Variants in IGSF3 observed in about 807,000 individuals in gnomAD.
IGSF3 encodes the protein glu-Trp-Ile EWI motif-containing protein 3.
IGSF3 carries 23 observed loss-of-function variants against 114.4 expected under a neutral mutation model. That is an observed-to-expected ratio of 0.20 (90% confidence interval 0.14 to 0.28). IGSF3 has a LOEUF of 0.28. Ranked by LOEUF, IGSF3 falls within the 10% of genes least tolerant of loss-of-function variation. The pLI is 1.00. For synonymous variants in IGSF3, 571 were observed against 645.2 expected (o/e 0.88, Z 1.74); for missense variants, 1,172 against 1,591.5 (o/e 0.74, Z 4.48).
rs1416663140 is a variant in IGSF3 at position 116,610,459 on chromosome 1, C to T, written c.833-2128G>A. 6.6e-6 allele frequency among the ~76,000 whole-genome samples: 1 copy of T among 152,158 alleles called. No homozygotes were observed. The highest frequency in any genetic ancestry group is 1.5e-5 in the Non-Finnish European group (1 of 68,034). On this transcript the variant is annotated intron_variant, in intron 4 of 10. Transcript: ENST00000369486. This position sits in a 1 kb window ranked among gnomAD's most constrained non-coding sequence, Gnocchi z 4.3. ...CCCCCGTTTCTGCCCTTGGTTATGC[C>T]CAGTCAATTACATCTCTAGAAACTG...
rs1384841560 is a variant in IGSF3, at chr1:116,648,776, C to A, written c.43+17508G>T. Among the ~76,000 whole-genome samples, 1 of 152,200 alleles carries A rather than the reference C, an allele frequency of 6.6e-6. No individual in the cohort carries two copies. The highest frequency in any genetic ancestry group is 2.4e-5 in the African/African-American group (1 of 41,452). On this transcript the variant is annotated intron_variant, in intron 2 of 10. Transcript: ENST00000369486. This position sits in a 1 kb window ranked among gnomAD's most constrained non-coding sequence, Gnocchi z 4.7. The stretch of plus-strand genomic sequence containing the variant: ...TTAGCCAGATAATTGAGACACTCCA[C>A]CTGGTCACCACTGGACCCCAGCCAC...
intron 5 of IGSF3, chr1:116,606,643 C>G: frequency 3.0e-6 from 2 of 677,080 alleles, no homozygotes. Context: ...AGGAAGTAAA[C>G]AGCGTGGCTG....
At chr1:116,586,016 A>G (rs1254192975) in intron 8 of IGSF3, among the ~76,000 whole-genome samples, 1 of 152,242 alleles carries the variant, frequency 6.6e-6, no homozygotes, top group Non-Finnish European at 1.5e-5. Context: ...CCCCGATGGC[A>G]TGCTTGTAAT....
chr1:116,586,062 G>A (rs896783480), intron 8 of IGSF3, among the ~76,000 whole-genome samples: 1 of 152,124 alleles, frequency 6.6e-6, no homozygotes, highest in Non-Finnish European at 1.5e-5. Context: ...CAGGACCAGA[G>A]GTATCTAGAA....
intron 4 of IGSF3, among the ~76,000 whole-genome samples, chr1:116,609,148 G>C (rs184330928): frequency 5.9e-4 from 89 of 152,002 alleles, no homozygotes; most frequent in Admixed American, 1.6e-3. Context: ...AGGTACTTTA[G>C]TAGGAAAAGT....
rs1041306787 is a variant in IGSF3 at position 116,632,507 on chromosome 1, G to A, written c.44-16050C>T. Among the ~76,000 whole-genome samples, 3 of 152,216 alleles carry A rather than the reference G, an allele frequency of 2.0e-5. No homozygotes were observed. Among genetic ancestry groups the A allele is most frequent in the Admixed American group, 1.3e-4 (2 of 15,284 alleles). ...CGCAGCATACTGAATGAGAAGCCTC[G>A]CAGGCAGAGAAGAAAGCAAACCTGG... On this transcript the variant is annotated intron_variant, in intron 2 of 10. Coordinates refer to ENST00000369486, the MANE Select transcript of IGSF3 (RefSeq NM_001007237.3). This position sits in a 1 kb window ranked among gnomAD's most constrained non-coding sequence, Gnocchi z 5.1.
rs1659716752 is a variant in IGSF3, at chr1:116,584,177, CAG to C, written c.2848+466_2848+467del. On this transcript the variant is annotated intron_variant, in intron 9 of 10. Coordinates refer to ENST00000369486, the MANE Select transcript of IGSF3 (RefSeq NM_001007237.3). The surrounding 1 kb of genome is among the most constrained non-coding windows in gnomAD (Gnocchi z 5.8). ...GCACTCTGCACTCCAGCCTGGGTGA[CAG>C]AGTGAGACTCCGTTTCAAAAAAAAA... is the stretch of plus-strand genomic sequence containing the variant. 1.4e-5 allele frequency among the ~76,000 whole-genome samples: 2 copies of C among 141,718 alleles called. No homozygotes were observed. The highest frequency in any genetic ancestry group is 3.0e-5 in the Non-Finnish European group (2 of 66,682). The allele number at this position is 141,718 out of a possible 152,430, so 93.0% of individuals were successfully genotyped here. A position where few individuals can be genotyped will look rare whatever the true frequency, so the allele number is the denominator to read the frequency against.
intron 2 of IGSF3, among the ~76,000 whole-genome samples, chr1:116,658,815 T>C (rs542294705): frequency 6.6e-6 from 1 of 152,322 alleles, no homozygotes; most frequent in African/African-American, 2.4e-5. Flanking sequence ...TCTCCCCCAG[T>C]AGACACCTAC....
intron 4 of IGSF3, among the ~76,000 whole-genome samples, chr1:116,611,973 G>C (rs768127456): frequency 2.6e-5 from 4 of 152,186 alleles, no homozygotes; most frequent in Non-Finnish European, 5.9e-5. Flanking sequence ...TAGAGTTGGA[G>C]ATGCAACTGC....
In IGSF3 at chr1:116,579,633, C is replaced by A; in HGVS notation, c.3093G>T (p.Thr1031=). The stretch of plus-strand genomic sequence containing the variant: ...CATCTGGGCCCACGCTCAGCAGGGC[C>A]GTCCGCTCTGTTGGGTCGTCGTCGT... ...DDDDDDPTER[T]ALLSVGPDAV... is the part of the protein sequence containing the mutation. Residue 1031 remains threonine (T), a synonymous_variant, in exon 10 of 11, where the codon ACG becomes ACT. Transcript: ENST00000369486. The surrounding 1 kb of genome is among the most constrained non-coding windows in gnomAD (Gnocchi z 6.4). The A allele has an allele frequency of 6.2e-7, 1 of 1,613,700 alleles. No homozygotes were observed. Among genetic ancestry groups the A allele is most frequent in the Non-Finnish European group, 8.5e-7 (1 of 1,179,872 alleles).
At position 116,663,495 on chromosome 1, in the gene IGSF3, T is replaced by C. The variant is rs538275144; in HGVS notation, c.43+2789A>G. Among the ~76,000 whole-genome samples, 267 of 148,924 alleles carry C rather than the reference T, an allele frequency of 1.8e-3. 1 individual carries two copies. Among genetic ancestry groups the C allele is most frequent in the African/African-American group, 6.3e-3 (255 of 40,790 alleles). ...TTGTAATTGGAACCAAGGGTTGTGG[T>C]GGCAGAGCCATGCACTGCCACCACA... On this transcript the variant is annotated intron_variant, in intron 2 of 10. Coordinates refer to ENST00000369486, the MANE Select transcript of IGSF3 (RefSeq NM_001007237.3).
At chr1:116,663,667 T>G (rs1381220782) in intron 2 of IGSF3, among the ~76,000 whole-genome samples, 1 of 152,108 alleles carries the variant, frequency 6.6e-6, no homozygotes, top group Non-Finnish European at 1.5e-5. Flanking sequence ...CTGATTCCAA[T>G]CCCAGACACT....
intron 2 of IGSF3, among the ~76,000 whole-genome samples, chr1:116,640,034 T>A (rs1341370261): frequency 9.9e-6 from 1 of 101,380 alleles, no homozygotes; most frequent in Admixed American, 1.3e-4. Flanking sequence ...CGTGACTCTA[T>A]CTCAAAAAAA....
chr1:116,658,276 G>A (rs1327081453), intron 2 of IGSF3, among the ~76,000 whole-genome samples: 1 of 152,110 alleles, frequency 6.6e-6, no homozygotes, highest in African/African-American at 2.4e-5. Context: ...TTGACCTCAA[G>A]CGATCCACCC....
Position 116,576,339 on chromosome 1 carries a change from A to C in IGSF3, c.*973T>G, listed in dbSNP as rs138983885. The stretch of plus-strand genomic sequence containing the variant: ...TTTTAAGAGTTTGGCAAAGCACCTG[A>C]AGACACAGGCCCACCTGCTCACAGT... On this transcript the variant is annotated 3_prime_UTR_variant, in exon 11 of 11. Transcript: ENST00000369486. The surrounding 1 kb of genome is among the most constrained non-coding windows in gnomAD (Gnocchi z 4.6). 299 of 152,820 alleles carry C rather than the reference A, an allele frequency of 2.0e-3. No homozygotes were observed. Among genetic ancestry groups the C allele is most frequent in the Non-Finnish European group, 3.4e-3 (229 of 68,102 alleles). 9.5% of individuals were successfully genotyped at this position (152,820 alleles called of 1,614,324 possible).
At chr1:116,619,668 A>C (rs2101022843) in intron 2 of IGSF3, among the ~76,000 whole-genome samples, 1 of 152,242 alleles carries the variant, frequency 6.6e-6, no homozygotes, top group South Asian at 2.1e-4. Context: ...TGCTGCCTCC[A>C]AAGAGACACA....
At position 116,628,842 on chromosome 1, in the gene IGSF3, G is replaced by A. The variant is rs563765507; in HGVS notation, c.44-12385C>T. Among the ~76,000 whole-genome samples, 1 of 152,300 alleles carries A rather than the reference G, an allele frequency of 6.6e-6. No individual in the cohort carries two copies. Among genetic ancestry groups the A allele is most frequent in the African/African-American group, 2.4e-5 (1 of 41,562 alleles). ...TTTCCCTATTCAATTCAAGGACCAT[G>A]TTCTTGAGCATAACTATGACCAGGC... On this transcript the variant is annotated intron_variant, in intron 2 of 10. Coordinates refer to ENST00000369486, the MANE Select transcript of IGSF3 (RefSeq NM_001007237.3). The surrounding 1 kb of genome is among the most constrained non-coding windows in gnomAD (Gnocchi z 4.2).
chr1:116,589,308 G>A lies in IGSF3; in HGVS notation c.2030-204C>T, dbSNP rs1171690660. 6.6e-6 allele frequency among the ~76,000 whole-genome samples: 1 copy of A among 152,034 alleles called. No homozygotes were observed. The highest frequency in any genetic ancestry group is 6.6e-5 in the Admixed American group (1 of 15,264). ...TCCTCCTTGCCATGCGCCTGGCTTA[G>A]GCCTTCACCATCTCTCCCCTATCCA... is the stretch of plus-strand genomic sequence containing the variant. On this transcript the variant is annotated intron_variant, in intron 7 of 10. Coordinates refer to ENST00000369486, the MANE Select transcript of IGSF3 (RefSeq NM_001007237.3). The surrounding 1 kb of genome is among the most constrained non-coding windows in gnomAD (Gnocchi z 5.7).
rs994886085 is a variant in IGSF3, at chr1:116,644,043, T to C, written c.43+22241A>G. Among the ~76,000 whole-genome samples, 4 of 152,206 alleles carry C rather than the reference T, an allele frequency of 2.6e-5. No individual in the cohort carries two copies. The highest frequency in any genetic ancestry group is 5.9e-5 in the Non-Finnish European group (4 of 68,040). On this transcript the variant is annotated intron_variant, in intron 2 of 10. Coordinates refer to ENST00000369486, the MANE Select transcript of IGSF3 (RefSeq NM_001007237.3). This position sits in a 1 kb window ranked among gnomAD's most constrained non-coding sequence, Gnocchi z 5.6. ...ACTTCAGTGCTCAGCCCTCTCACTG[T>C]GACAATCCCTTAGAAAGGGGTCCCA...
Sources: gnomAD v4.1 joint callset for allele counts (sites outside exome capture counted in the v4.1 genomes callset) on GRCh38, gnomAD v4.1.1 for gene constraint, Gnocchi (gnomAD v3.1) non-coding constraint, MANE v1.5 for transcripts, NCBI Gene and HGNC (gene_info 2026-07-23, HGNC 2026-07-21) for gene names.